SAR1B: variants seen among roughly 807,000 people sequenced by gnomAD.
SAR1B encodes the protein small COPII coat GTPase SAR1B.
Under a neutral mutation model 26.8 loss-of-function variants are expected in SAR1B, and 23 were observed. The ratio of observed to expected loss-of-function variants is 0.86; its 90% CI spans 0.62 to 1.22. The LOEUF (loss-of-function observed/expected upper bound fraction) is 1.22, where lower values mean the gene tolerates loss of function less well. Among genes scored for constraint, SAR1B ranks in the 50% most tolerant of loss-of-function variants. The probability of loss-of-function intolerance (pLI) is 0.00; values close to 1 mark genes in which losing one functional copy is unlikely to be tolerated. For missense variants in SAR1B, 196 were observed against 232.8 expected (o/e 0.84, Z 1.03); for synonymous variants, 65 against 80.8 (o/e 0.80, Z 1.05).
At position 134,621,024 on chromosome 5, in the gene SAR1B, T is replaced by C; in HGVS notation, c.87A>G (p.Val29=). 6.2e-7 allele frequency: 1 copy of C among 1,613,142 alleles called. No homozygotes were observed. The highest frequency in any genetic ancestry group is 8.5e-7 in the Non-Finnish European group (1 of 1,179,142). ...TTCCTGCATTATCCAATCCAAGAAA[T>C]ACCAGTTTACCAGTTTTCTTATATA... is the stretch of plus-strand genomic sequence containing the variant. The part of the protein sequence containing the change: ...LGLYKKTGKL[V]FLGLDNAGKT... Residue 29 remains valine, a synonymous_variant, in exon 3 of 7, where the codon GTA becomes GTG. Coordinates refer to ENST00000402673, the MANE Select transcript of SAR1B (RefSeq NM_016103.4).
At chr5:134,613,767 A>T (rs943002764) in intron 3 of SAR1B, 6 of 152,164 alleles carry the variant, frequency 3.9e-5, no homozygotes. Context: ...TACCATAAAA[A>T]ATTGTGGCCA....
At chr5:134,620,864 C>T in intron 3 of SAR1B, 69 bp downstream of exon 3, 1 of 1,571,704 alleles carries the variant, frequency 6.4e-7, no homozygotes, top group Non-Finnish European at 8.8e-7. Context: ...AAACAAAACA[C>T]TTTTGGTTAG....
chr5:134,619,330 C>CAA (rs796297639), intron 3 of SAR1B, among the ~76,000 whole-genome samples: 4 of 105,332 alleles, frequency 3.8e-5, no homozygotes, highest in East Asian at 3.7e-4. Context: ...GACTCCATCT[C>CAA]AAAAAAAAAA....
chr5:134,612,432 T>G (rs559146905), intron 4 of SAR1B, among the ~76,000 whole-genome samples: 4 of 152,140 alleles, frequency 2.6e-5, no homozygotes, highest in African/African-American at 9.6e-5. Flanking sequence ...ACAAAGTGAC[T>G]GTAAGAGTAA....
intron 4 of SAR1B, among the ~76,000 whole-genome samples, chr5:134,611,619 A>G (rs2150050816): frequency 6.6e-6 from 1 of 152,298 alleles, no homozygotes; most frequent in East Asian, 1.9e-4. Flanking sequence ...CGCAAGTTTA[A>G]TATAAGAGAT....
At chr5:134,632,304 C>G (rs1335441993) in intron 1 of SAR1B, 1 of 152,162 alleles carries the variant, frequency 6.6e-6, no homozygotes, top group African/African-American at 2.4e-5. Context: ...CTACGGAAAA[C>G]GTTAACCAGT....
At chr5:134,621,288 G>A (rs762492831) in intron 2 of SAR1B, among the ~76,000 whole-genome samples, 3 of 152,056 alleles carry the variant, frequency 2.0e-5, no homozygotes, top group Non-Finnish European at 2.9e-5. Flanking sequence ...TGGCCAACAC[G>A]GTGAAACCCC....
At chr5:134,627,785 C>G (rs963850362) in intron 1 of SAR1B, among the ~76,000 whole-genome samples, 1 of 146,494 alleles carries the variant, frequency 6.8e-6, no homozygotes, top group East Asian at 2.1e-4. Context: ...GGCGACAGAG[C>G]GAGACTCCAT....
intron 4 of SAR1B, among the ~76,000 whole-genome samples, chr5:134,610,351 G>T (rs989293142): frequency 1.3e-5 from 2 of 152,068 alleles, no homozygotes; most frequent in African/African-American, 4.8e-5. Flanking sequence ...GCTCATGCCT[G>T]TAATCCCAGC....
At chr5:134,630,879 C>CTTTTTTTTTTTTTTTTTT (rs1169258258) in intron 1 of SAR1B, among the ~76,000 whole-genome samples, 1 of 81,308 alleles carries the variant, frequency 1.2e-5, no homozygotes. Flanking sequence ...TTTTCTATTT[C>CTTTTTTTTTTTTTTTTTT]TTTTTTTTTC....
At position 134,602,160 on chromosome 5, in the gene SAR1B, C is replaced by A. The variant is rs538803041; in HGVS notation, c.*4790G>T. The A allele has an allele frequency of 1.3e-5, 2 of 152,334 alleles. No individual in the cohort carries two copies. The highest frequency in any genetic ancestry group is 4.8e-5 in the African/African-American group (2 of 41,586). 9.4% of individuals were successfully genotyped at this position (152,334 alleles called of 1,614,324 possible). A position where few individuals can be genotyped will look rare whatever the true frequency, so the allele number is the denominator to read the frequency against. On this transcript the variant is annotated 3_prime_UTR_variant, in exon 7 of 7. Coordinates refer to ENST00000402673, the MANE Select transcript of SAR1B (RefSeq NM_016103.4). Reference sequence around the variant, plus strand: ...TTTCTGCCCTAAAATCTATTTGGGGCAGGGGACACACCTGAAACAAAGTTG... The same window carrying A: ...TTTCTGCCCTAAAATCTATTTGGGGAAGGGGACACACCTGAAACAAAGTTG...
In SAR1B at chr5:134,616,423, G is replaced by A. The variant is rs1306041014; in HGVS notation, c.179-3667C>T. 1.1e-4 allele frequency among the ~76,000 whole-genome samples: 16 copies of A among 149,002 alleles called. No individual in the cohort carries two copies. In the South Asian group the frequency reaches 3.2e-3, roughly 30 times the overall value. The stretch of plus-strand genomic sequence containing the variant: ...TTGCACTCCAGCCTGGGGGACAAGA[G>A]CGAGACTTTGTCTCAAAAAAAAAAA... On this transcript the variant is annotated intron_variant, in intron 3 of 6. Coordinates refer to ENST00000402673, the MANE Select transcript of SAR1B (RefSeq NM_016103.4).
At chr5:134,610,524 G>T (rs979263402) in intron 4 of SAR1B, among the ~76,000 whole-genome samples, 2 of 133,404 alleles carry the variant, frequency 1.5e-5, no homozygotes, top group African/African-American at 2.8e-5. Flanking sequence ...CCGAGATCAT[G>T]CCACTGCACT....
intron 6 of SAR1B, among the ~76,000 whole-genome samples, chr5:134,607,677 C>T (rs1580645480): frequency 6.6e-6 from 1 of 151,156 alleles, no homozygotes; most frequent in East Asian, 2.0e-4. Context: ...GAGGCTGAGG[C>T]AGGAGAATCG....
At position 134,609,654 on chromosome 5, in the gene SAR1B, A is replaced by C. The variant is rs369713749; in HGVS notation, c.265T>G (p.Tyr89Asp). ...HVQARRVWKN[Y>D]LPAINGIVFL... Reference sequence around the variant, plus strand: ...ACAATGCCATTGATAGCAGGAAGGTAGTTTTTCCACACTCTTCGAGCTAAC... The same window carrying C: ...ACAATGCCATTGATAGCAGGAAGGTCGTTTTTCCACACTCTTCGAGCTAAC... Residue 89 changes from tyrosine to aspartate, a missense_variant, in exon 5 of 7, where the codon TAC (tyrosine) becomes GAC (aspartate). Coordinates refer to ENST00000402673, the MANE Select transcript of SAR1B (RefSeq NM_016103.4). The C allele has an allele frequency of 6.2e-7, 1 of 1,614,028 alleles. No individual in the cohort carries two copies. Among genetic ancestry groups the C allele is most frequent in the Non-Finnish European group, 8.5e-7 (1 of 1,179,998 alleles).
chr5:134,615,071 G>A lies in SAR1B; in HGVS notation c.179-2315C>T, dbSNP rs185427287. ...ATCTTCTTAAGAAATTCTGGGGGCC[G>A]GGCGCGGTGGCTCACGCCTGTAATC... On this transcript the variant is annotated intron_variant, in intron 3 of 6. Coordinates refer to ENST00000402673, the MANE Select transcript of SAR1B (RefSeq NM_016103.4). Among the ~76,000 whole-genome samples the A allele has an allele frequency of 3.3e-3, 502 of 152,302 alleles. 4 individuals carry two copies. The highest frequency in any genetic ancestry group is 0.012 in the African/African-American group (482 of 41,568).
chr5:134,605,272 G>A lies in SAR1B; in HGVS notation c.*1678C>T, dbSNP rs1017291449. The stretch of plus-strand genomic sequence containing the variant: ...ATTAAAATTATTCTTGATGGAATTG[G>A]TTAAATATACTATAAAACTTGGCTT... On this transcript the variant is annotated 3_prime_UTR_variant, in exon 7 of 7. Coordinates refer to ENST00000402673, the MANE Select transcript of SAR1B (RefSeq NM_016103.4). 1.3e-5 allele frequency: 2 copies of A among 152,096 alleles called. No homozygotes were observed. The highest frequency in any genetic ancestry group is 4.8e-5 in the African/African-American group (2 of 41,386). The allele number at this position is 152,096 out of a possible 1,614,324, so 9.4% of individuals were successfully genotyped here. A position where few individuals can be genotyped will look rare whatever the true frequency, so the allele number is the denominator to read the frequency against.
chr5:134,612,732 CCAG>C lies in SAR1B; in HGVS notation c.200_202del (p.Ala67del). On this transcript the variant is annotated inframe_deletion, in exon 4 of 7. Transcript: ENST00000402673. ...CAGATCAAAAGTTGTAAACGTCATG[CCAG>C]CAATGGTCAGTTCTTCGGAAGCTAA... The C allele has an allele frequency of 5.8e-6, 9 of 1,562,122 alleles. No homozygotes were observed. Among genetic ancestry groups the C allele is most frequent in the Non-Finnish European group, 7.8e-6 (9 of 1,154,046 alleles).
At position 134,608,474 on chromosome 5, in the gene SAR1B, A is replaced by G. The variant is rs191267804; in HGVS notation, c.378T>C (p.Asn126=). ...TATTCCCAAGAATCAGTATAGGCAC[A>G]TTAGCAATGGTTTCATCTGTCATTA... is the stretch of plus-strand genomic sequence containing the variant. The part of the protein sequence containing the change: ...DSLMTDETIA[N]VPILILGNKI... The change falls in exon 6 of 7, where the codon AAT becomes AAC. Residue 126 remains asparagine (N), a synonymous_variant. Coordinates refer to ENST00000402673, the MANE Select transcript of SAR1B (RefSeq NM_016103.4). 3.7e-5 allele frequency: 59 copies of G among 1,612,636 alleles called. No homozygotes were observed. The East Asian group carries it at 9.1e-4, about 25-fold the overall frequency.
Sources: allele counts gnomAD v4.1 joint callset (sites outside exome capture counted in the v4.1 genomes callset), GRCh38; gene constraint gnomAD v4.1.1; transcripts MANE v1.5; gene names NCBI Gene and HGNC (gene_info 2026-07-23, HGNC 2026-07-21).